ANKFN1: variants seen among roughly 807,000 people sequenced by gnomAD.
ANKFN1 encodes ankyrin repeat and fibronectin type-III domain-containing protein 1.
Under a neutral mutation model 108.7 loss-of-function variants are expected in ANKFN1, and 74 were observed. The observed-to-expected ratio is 0.68, with a 90% confidence interval of 0.56 to 0.83. The LOEUF (loss-of-function observed/expected upper bound fraction) is 0.83. Among genes scored for constraint, ANKFN1 ranks in the 40% least tolerant of loss-of-function variants. ANKFN1 has a pLI of 0.00. For synonymous variants in ANKFN1, 547 were observed against 516.2 expected (o/e 1.06, Z -0.81); for missense variants, 1,505 against 1,382.3 (o/e 1.09, Z -1.41).
intron 1 of ANKFN1, among the ~76,000 whole-genome samples, chr17:56,202,575 C>T (rs1193514203): frequency 6.6e-6 from 1 of 152,132 alleles, no homozygotes; most frequent in Non-Finnish European, 1.5e-5. Flanking sequence ...CTTCCTGTTC[C>T]ATTTCCCCCC....
chr17:56,511,318 T>G lies in ANKFN1; in HGVS notation c.*49T>G, dbSNP rs1284410756. The G allele has an allele frequency of 6.9e-7, 1 of 1,455,340 alleles. No individual in the cohort carries two copies. Among genetic ancestry groups the G allele is most frequent in the Non-Finnish European group, 9.1e-7 (1 of 1,097,844 alleles). The allele number at this position is 1,455,340 out of a possible 1,614,324, so 90.2% of individuals were successfully genotyped here. A position where few individuals can be genotyped will look rare whatever the true frequency, so the allele number is the denominator to read the frequency against. ...CCCTCCATGGCTGCTACCTGCGTTT[T>G]ACATCACCCTTACCCCCATCCTGCC... On this transcript the variant is annotated 3_prime_UTR_variant, in exon 21 of 21. Transcript: ENST00000682825.
At position 56,321,908 on chromosome 17, in the gene ANKFN1, A is replaced by G. The variant is rs566230389; in HGVS notation, c.54-4313A>G. On this transcript the variant is annotated intron_variant, in intron 3 of 20. Transcript: ENST00000682825. ...GTTTCCCAGACCCAGGTTCTTTCCA[A>G]TGAGCTAAACAACTGTAGTGGGAAA... Among the ~76,000 whole-genome samples the G allele has an allele frequency of 2.6e-5, 4 of 152,314 alleles. No homozygotes were observed. The East Asian group carries it at 7.7e-4, about 29-fold the overall frequency.
intron 1 of ANKFN1, among the ~76,000 whole-genome samples, chr17:56,167,771 C>T (rs1910288731): frequency 2.0e-5 from 3 of 152,146 alleles, no homozygotes; most frequent in African/African-American, 7.2e-5. Flanking sequence ...ACTATGTCAT[C>T]TGGATCACGT....
intron 10 of ANKFN1, among the ~76,000 whole-genome samples, chr17:56,448,508 C>T (rs2049370455): frequency 6.6e-6 from 1 of 152,192 alleles, no homozygotes; most frequent in South Asian, 2.1e-4. Flanking sequence ...GCAGGGGCTG[C>T]TGTGCCAGCT....
chr17:56,319,717 G>A (rs1056606584), intron 3 of ANKFN1, among the ~76,000 whole-genome samples: 2 of 152,104 alleles, frequency 1.3e-5, no homozygotes, highest in African/African-American at 2.4e-5. Context: ...AAGAGAGTTA[G>A]GTGAATACTG....
intron 3 of ANKFN1, among the ~76,000 whole-genome samples, chr17:56,305,070 C>T (rs764014649): frequency 4.6e-5 from 7 of 152,162 alleles, no homozygotes; most frequent in Non-Finnish European, 1.0e-4. Flanking sequence ...TGGGAGGCCT[C>T]AGGAAACTCA....
intron 4 of ANKFN1, among the ~76,000 whole-genome samples, chr17:56,137,956 G>C (rs1907690932): frequency 6.6e-6 from 1 of 152,110 alleles, no homozygotes; most frequent in African/African-American, 2.4e-5. Flanking sequence ...AAATAGATGA[G>C]TTGCCCTTTG....
chr17:56,259,890 CT>C (rs1369862881), intron 3 of ANKFN1, among the ~76,000 whole-genome samples: 1 of 148,742 alleles, frequency 6.7e-6, no homozygotes. Flanking sequence ...GTTGGTATCA[CT>C]CCCCCACCCC....
intron 6 of ANKFN1, 27 bp downstream of exon 6, chr17:56,354,073 TA>T (rs1372533398): frequency 6.2e-7 from 1 of 1,606,674 alleles, no homozygotes; most frequent in Admixed American, 1.7e-5. Context: ...TAAACACATG[TA>T]CTATTAAAGC....
intron 8 of ANKFN1, among the ~76,000 whole-genome samples, chr17:56,433,671 T>G (rs2048835411): frequency 6.6e-6 from 1 of 151,970 alleles, no homozygotes; most frequent in South Asian, 2.1e-4. Context: ...ACTTTGAGAC[T>G]CAAGGGGAAA....
intron 14 of ANKFN1, among the ~76,000 whole-genome samples, chr17:56,464,587 G>A (rs1289142958): frequency 6.6e-6 from 1 of 152,222 alleles, no homozygotes; most frequent in Non-Finnish European, 1.5e-5. Context: ...AGTTGGAAAA[G>A]TCTTCCCAGG....
intron 4 of ANKFN1, among the ~76,000 whole-genome samples, chr17:56,137,893 C>T (rs1907687377): frequency 6.6e-6 from 1 of 152,124 alleles, no homozygotes; most frequent in South Asian, 2.1e-4. Context: ...ACTAGAATAT[C>T]TCACAAACAT....
chr17:56,142,419 T>A (rs973766967), intron 4 of ANKFN1, among the ~76,000 whole-genome samples: 17 of 152,216 alleles, frequency 1.1e-4, no homozygotes, highest in Non-Finnish European at 2.2e-4. Flanking sequence ...AAATCATTCC[T>A]CTGGCCCAAC....
At chr17:56,443,253 G>A (rs2049173690) in intron 10 of ANKFN1, among the ~76,000 whole-genome samples, 1 of 152,180 alleles carries the variant, frequency 6.6e-6, no homozygotes, top group Non-Finnish European at 1.5e-5. Flanking sequence ...AGTTACTGGG[G>A]AGGCTGAGGC....
chr17:56,162,272 C>T (rs1363642567), intron 1 of ANKFN1, among the ~76,000 whole-genome samples: 2 of 152,158 alleles, frequency 1.3e-5, no homozygotes, highest in Admixed American at 6.5e-5. Context: ...TGCTTAGGGC[C>T]GCCTCACAAA....
Position 56,492,229 on chromosome 17 carries a change from GCCGCCTTTCTGCTGTTGTGGAGCT to G in ANKFN1, c.2304_2327del (p.Cys768_Leu776delinsTrp), listed in dbSNP as rs1568047145. ...AGAGAGAAATTTATTAGTCTGTATT[GCCGCCTTTCTGCTGTTGTGGAGCT>G]GGATTCTCTGAACACCCAACAGTCC... On this transcript the variant is annotated inframe_deletion, in exon 19 of 21. Transcript: ENST00000682825. 1 of 702,388 alleles carries G rather than the reference GCCGCCTTTCTGCTGTTGTGGAGCT, an allele frequency of 1.4e-6. No individual in the cohort carries two copies. Among genetic ancestry groups the G allele is most frequent in the Non-Finnish European group, 2.6e-6 (1 of 384,648 alleles). 43.5% of individuals were successfully genotyped at this position (702,388 alleles called of 1,614,324 possible). A position where few individuals can be genotyped will look rare whatever the true frequency, so the allele number is the denominator to read the frequency against.
At chr17:56,376,409 C>CA (rs1415157423) in intron 8 of ANKFN1, among the ~76,000 whole-genome samples, 1 of 152,184 alleles carries the variant, frequency 6.6e-6, no homozygotes, top group Non-Finnish European at 1.5e-5. Context: ...GATGGCCCCC[C>CA]ACAGCCATCC....
intron 3 of ANKFN1, among the ~76,000 whole-genome samples, chr17:56,269,042 G>C (rs772970243): frequency 4.6e-5 from 7 of 152,084 alleles, no homozygotes; most frequent in Non-Finnish European, 1.0e-4. Context: ...AGTTTTTTGG[G>C]GGTAGTTATA....
chr17:56,445,155 T>A (rs1598620945), intron 10 of ANKFN1, among the ~76,000 whole-genome samples: 3 of 152,320 alleles, frequency 2.0e-5, no homozygotes, highest in Admixed American at 2.0e-4. Flanking sequence ...AAGGAACCAA[T>A]CTCATGTTGG....
Sources: allele counts gnomAD v4.1 joint callset (sites outside exome capture counted in the v4.1 genomes callset), GRCh38; gene constraint gnomAD v4.1.1; transcripts MANE v1.5; gene names NCBI Gene and HGNC (gene_info 2026-07-23, HGNC 2026-07-21).